SOX30: variants seen among roughly 807,000 people sequenced by gnomAD.
SOX30 encodes SRY-box transcription factor 30.
In SOX30, 17 loss-of-function variants were observed where a neutral mutation model predicts 58.6. The ratio of observed to expected loss-of-function variants is 0.29; its 90% CI spans 0.20 to 0.44. The LOEUF is 0.44. SOX30 is among the 20% of genes least tolerant of loss of function. The pLI, the probability that SOX30 is intolerant of heterozygous loss-of-function variation, is 1.00. For synonymous variants in SOX30, 421 were observed against 400.2 expected (o/e 1.05, Z -0.62); for missense variants, 951 against 965.8 (o/e 0.98, Z 0.20).
intron 1 of SOX30, 37 bp from the exon 2 acceptor site, chr5:157,648,933 CAT>C (rs1759259681): frequency 6.6e-7 from 1 of 1,510,238 alleles, no homozygotes; most frequent in Non-Finnish European, 8.8e-7. Flanking sequence ...ATTAATGTGC[CAT>C]ACACACACAC....
At position 157,651,279 on chromosome 5, in the gene SOX30, A is replaced by G. The variant is rs756360302; in HGVS notation, c.800T>C (p.Val267Ala). 6.2e-7 allele frequency: 1 copy of G among 1,614,020 alleles called. No individual in the cohort carries two copies. Among genetic ancestry groups the G allele is most frequent in the Non-Finnish European group, 8.5e-7 (1 of 1,180,022 alleles). ...DLRIPLTLHTVPPGARIQFQG... is the reference protein window; with the variant it reads ...DLRIPLTLHTAPPGARIQFQG... The stretch of plus-strand genomic sequence containing the variant: ...AAACTGGATCCGGGCCCCAGGGGGG[A>G]CCGTGTGGAGCGTCAAAGGGATCCT... Residue 267 changes from valine (V) to alanine (A), a missense_variant, in exon 1 of 5, where the codon GTC becomes GCC. By Grantham distance (64) the Val-to-Ala change is moderately conservative (BLOSUM62 0). This residue lies in a region of SOX30 where 84 missense variants were observed against 68.2 expected (regional missense o/e 1.23). Transcript: ENST00000265007.
chr5:157,664,304 T>A (rs1048744043), intron 2 of SOX30, among the ~76,000 whole-genome samples: 83 of 152,226 alleles, frequency 5.5e-4, no homozygotes, highest in African/African-American at 1.8e-3. Flanking sequence ...TCTACAACCA[T>A]CTGATCTTTG....
chr5:157,638,335 T>G lies in SOX30; in HGVS notation c.1775A>C (p.Tyr592Ser). ...QASPIPHPHV[Y>S]QPPPLGHPAT... ...TGGATGGCCAAGGGGAGGGGGCTGG[T>G]AGACATGTGGGTGTGGAATGGGAGA... Residue 592 changes from tyrosine to serine, a missense_variant, in exon 4 of 5, where the codon TAC becomes TCC. Tyr to Ser is a moderately radical substitution (Grantham distance 144). Coordinates refer to ENST00000265007, the MANE Select transcript of SOX30 (RefSeq NM_178424.2). 1.2e-6 allele frequency: 2 copies of G among 1,612,548 alleles called. No individual in the cohort carries two copies. The highest frequency in any genetic ancestry group is 1.7e-6 in the Non-Finnish European group (2 of 1,179,164).
intron 4 of SOX30, among the ~76,000 whole-genome samples, chr5:157,631,019 T>TATA (rs1758784853): frequency 1.7e-5 from 2 of 120,254 alleles, no homozygotes; most frequent in South Asian, 4.7e-4. Flanking sequence ...ATACTATATA[T>TATA]TTTATATATA....
rs1312509770 is a variant in SOX30 at position 157,658,177 on chromosome 5, G to A, written c.53-9281C>T. Among the ~76,000 whole-genome samples the A allele has an allele frequency of 2.0e-5, 3 of 152,184 alleles. No individual in the cohort carries two copies. In the South Asian group the frequency reaches 6.2e-4, roughly 31 times the overall value. On this transcript the variant is annotated intron_variant, in intron 2 of 5. Transcript: ENST00000519442. ...GAGATTCTTTCTATGGAATAAAGTTGCATCAAAACCAATTTAAAAAGTGGT... is the reference window on the plus strand; with the variant it reads ...GAGATTCTTTCTATGGAATAAAGTTACATCAAAACCAATTTAAAAAGTGGT...
intron 4 of SOX30, among the ~76,000 whole-genome samples, chr5:157,627,308 A>G (rs1758681073): frequency 6.6e-6 from 1 of 152,148 alleles, no homozygotes; most frequent in Non-Finnish European, 1.5e-5. Context: ...GGTTGCAGTG[A>G]GCCGAGACTG....
At chr5:157,659,635 G>C (rs1314942625) in intron 2 of SOX30, among the ~76,000 whole-genome samples, 1 of 152,184 alleles carries the variant, frequency 6.6e-6, no homozygotes, top group Non-Finnish European at 1.5e-5. Context: ...ATTTTGCCAA[G>C]GTTAAGGACA....
chr5:157,645,543 T>C (rs1029795219), intron 3 of SOX30, among the ~76,000 whole-genome samples: 1 of 151,798 alleles, frequency 6.6e-6, no homozygotes, highest in Non-Finnish European at 1.5e-5. Flanking sequence ...GCACCTATAG[T>C]CCCAGCTACT....
At chr5:157,648,549 A>AT in intron 2 of SOX30, 108 bp downstream of exon 2, 3 of 994,592 alleles carry the variant, frequency 3.0e-6, no homozygotes, top group Non-Finnish European at 3.0e-6. Context: ...TTTATTGTAC[A>AT]TATCAGAAAA....
At chr5:157,641,398 A>C (rs1759057644) in intron 3 of SOX30, among the ~76,000 whole-genome samples, 1 of 152,170 alleles carries the variant, frequency 6.6e-6, no homozygotes, top group Non-Finnish European at 1.5e-5. Flanking sequence ...AGATCGACTG[A>C]GGTCAGAGGT....
intron 3 of SOX30, 104 bp downstream of exon 3, chr5:157,646,530 ATTG>A (rs887193690): frequency 5.6e-5 from 44 of 792,546 alleles, no homozygotes; most frequent in Non-Finnish European, 7.7e-5. Context: ...TTTTCTTAAC[ATTG>A]TTGTTCCAAA....
intron 3 of SOX30, among the ~76,000 whole-genome samples, chr5:157,642,669 TAACAAC>T (rs555046481): frequency 1.3e-5 from 2 of 151,534 alleles, no homozygotes; most frequent in African/African-American, 4.9e-5. Flanking sequence ...ATAACAAAAA[TAACAAC>T]AACAACAACA....
rs905962060 is a variant in SOX30, at chr5:157,646,708, A to G, written c.1316T>C (p.Val439Ala). Residue 439 changes from valine to alanine, a missense_variant, in exon 3 of 5, where the codon GTT (valine) becomes GCT (alanine). Val to Ala is a moderately conservative substitution (Grantham distance 64, BLOSUM62 0). Coordinates refer to ENST00000265007, the MANE Select transcript of SOX30 (RefSeq NM_178424.2). ...GTACGTAGGTGAGCGGTAAGGATAA[A>G]CTGTTGTAGGATTTGTAGAGATGAT... The part of the protein sequence containing the change: ...QNIISTNPTT[V>A]YPYRSPTYSV... 15 of 1,613,372 alleles carry G rather than the reference A, an allele frequency of 9.3e-6. No individual in the cohort carries two copies. The highest frequency in any genetic ancestry group is 1.1e-5 in the Non-Finnish European group (13 of 1,179,396).
At chr5:157,648,607 C>G (rs1234782093) in intron 2 of SOX30, 50 bp downstream of exon 2, 2 of 1,552,528 alleles carry the variant, frequency 1.3e-6, no homozygotes, top group Non-Finnish European at 1.8e-6. Flanking sequence ...TAATCTTTAA[C>G]TAAATAAATT....
intron 3 of SOX30, among the ~76,000 whole-genome samples, chr5:157,644,697 A>T (rs2113844287): frequency 6.6e-6 from 1 of 152,336 alleles, no homozygotes; most frequent in South Asian, 2.1e-4. Context: ...ATAACATAAC[A>T]CAGGCTGGGC....
At chr5:157,627,881 C>G (rs1292650373) in intron 4 of SOX30, among the ~76,000 whole-genome samples, 1 of 151,960 alleles carries the variant, frequency 6.6e-6, no homozygotes, top group African/African-American at 2.4e-5. Flanking sequence ...GTAGTCCCAG[C>G]TACTCAGGAG....
chr5:157,666,809 G>A (rs1181521698), intron 2 of SOX30, among the ~76,000 whole-genome samples: 7 of 152,064 alleles, frequency 4.6e-5, no homozygotes, highest in Non-Finnish European at 7.4e-5. Context: ...GGGTTCAAGC[G>A]ATTCTCCCGC....
upstream of SOX30, among the ~76,000 whole-genome samples, chr5:157,654,897 C>G (rs1759442055): frequency 6.6e-6 from 1 of 152,218 alleles, no homozygotes; most frequent in African/African-American, 2.4e-5. Context: ...AGCTTATCAT[C>G]AAGAAATAAC....
At chr5:157,632,813 G>T (rs564983812) in intron 4 of SOX30, among the ~76,000 whole-genome samples, 1 of 152,248 alleles carries the variant, frequency 6.6e-6, no homozygotes, top group African/African-American at 2.4e-5. Flanking sequence ...TTCCAGCCAG[G>T]TGTGGTGGCT....
Sources: allele counts gnomAD v4.1 joint callset (sites outside exome capture counted in the v4.1 genomes callset), GRCh38; gene constraint gnomAD v4.1.1; regional missense constraint gnomAD v4.1.1; transcripts MANE v1.5; gene names NCBI Gene and HGNC (gene_info 2026-07-23, HGNC 2026-07-21).